Variants in AGAP1 observed in about 807,000 individuals in gnomAD.
AGAP1 encodes ArfGAP with GTPase domain, ankyrin repeat and PH domain 1, also known as arf-GAP with GTPase, ANK repeat and PH domain-containing protein 1.
AGAP1 carries 29 observed loss-of-function variants against 105.3 expected under a neutral mutation model. The ratio of observed to expected loss-of-function variants is 0.28; its 90% CI spans 0.21 to 0.38. AGAP1 has a LOEUF of 0.38. Among genes scored for constraint, AGAP1 ranks in the 10% least tolerant of loss-of-function variants. The probability of loss-of-function intolerance (pLI) is 1.00; values close to 1 mark genes in which losing one functional copy is unlikely to be tolerated. For synonymous variants in AGAP1, 509 were observed against 485.9 expected, an observed-to-expected ratio of 1.05 and a Z score of -0.63; for missense variants, 998 against 1,165.1, an observed-to-expected ratio of 0.86 and a Z score of 2.09.
chr2:235,575,584 G>A (rs1449144762), intron 1 of AGAP1, among the ~76,000 whole-genome samples: 1 of 132,002 alleles, frequency 7.6e-6, no homozygotes, highest in Middle Eastern at 3.3e-3. Context: ...TCCGTGAGCT[G>A]TGCTCACGGG....
rs147112199 is a variant in AGAP1 at position 236,021,706 on chromosome 2, C to T, written c.1646-14855C>T. 4.6e-5 allele frequency among the ~76,000 whole-genome samples: 7 copies of T among 152,110 alleles called. No homozygotes were observed. In the East Asian group the frequency reaches 1.2e-3, roughly 25 times the overall value. On this transcript the variant is annotated intron_variant, in intron 13 of 17. Transcript: ENST00000304032. ...TGTATCGCAAGATGTTTTCAATTTG[C>T]GGTCAGATAACTATTTTTTTTTCCC...
intron 1 of AGAP1, among the ~76,000 whole-genome samples, chr2:235,502,974 T>C (rs973430329): frequency 6.6e-6 from 1 of 152,186 alleles, no homozygotes; most frequent in Non-Finnish European, 1.5e-5. Context: ...TTTTAGCCAA[T>C]AGTGACTTGT....
chr2:235,684,112 G>T (rs542795434), intron 1 of AGAP1, among the ~76,000 whole-genome samples: 12 of 152,092 alleles, frequency 7.9e-5, no homozygotes, highest in Non-Finnish European at 1.2e-4. Context: ...CACGATCTCG[G>T]CTCACTGCAA....
chr2:235,592,745 C>A (rs1327016765), intron 1 of AGAP1, among the ~76,000 whole-genome samples: 1 of 152,156 alleles, frequency 6.6e-6, no homozygotes, highest in African/African-American at 2.4e-5. Context: ...AAGCCTGTAT[C>A]TGGCCGAGGT....
chr2:235,509,302 C>T (rs1489452062), intron 1 of AGAP1, among the ~76,000 whole-genome samples: 2 of 152,176 alleles, frequency 1.3e-5, no homozygotes, highest in Admixed American at 6.5e-5. Flanking sequence ...TCTCTGCTCA[C>T]TGTAACCTCT....
chr2:236,107,867 G>A (rs2059539913), intron 16 of AGAP1, among the ~76,000 whole-genome samples: 1 of 152,214 alleles, frequency 6.6e-6, no homozygotes, highest in Non-Finnish European at 1.5e-5. Flanking sequence ...GAAGTAATAA[G>A]CCTAATATGG....
chr2:235,785,409 T>C (rs1956562786), intron 6 of AGAP1, among the ~76,000 whole-genome samples: 1 of 152,220 alleles, frequency 6.6e-6, no homozygotes, highest in Non-Finnish European at 1.5e-5. Context: ...AACCAATTAT[T>C]GCACTTAACT....
Position 235,769,881 on chromosome 2 carries a change from C to G in AGAP1, c.673+19393C>G, listed in dbSNP as rs1024493359. Among the ~76,000 whole-genome samples, 1 of 151,988 alleles carries G rather than the reference C, an allele frequency of 6.6e-6. No individual in the cohort carries two copies. The highest frequency in any genetic ancestry group is 1.5e-5 in the Non-Finnish European group (1 of 68,020). The stretch of plus-strand genomic sequence containing the variant: ...GCTGCCAAGGAGCATCCAGTCCTTT[C>G]CAAGGACTTTGGTTTTCCAGAGTTA... On this transcript the variant is annotated intron_variant, in intron 6 of 17. Coordinates refer to ENST00000304032, the MANE Select transcript of AGAP1 (RefSeq NM_001037131.3). This position sits in a 1 kb window ranked among gnomAD's most constrained non-coding sequence, Gnocchi z 4.4.
chr2:235,859,541 GTT>G (rs34414886), intron 9 of AGAP1, among the ~76,000 whole-genome samples: 3 of 144,662 alleles, frequency 2.1e-5, no homozygotes, highest in South Asian at 2.2e-4. Flanking sequence ...TTTCTGAGCA[GTT>G]TTTTTTTTTT....
chr2:235,730,180 C>T lies in AGAP1; in HGVS notation c.311-10783C>T, dbSNP rs116269150. Among the ~76,000 whole-genome samples the T allele has an allele frequency of 6.4e-3, 975 of 152,112 alleles. 22 individuals carry two copies. Among genetic ancestry groups the T allele is most frequent in the African/African-American group, 0.022 (929 of 41,436 alleles). ...TTGAAAAAGAGAGTTCATGTAAAGC[C>T]GATTATTATTTAATCTAAAGTTATG... On this transcript the variant is annotated intron_variant, in intron 3 of 17. Transcript: ENST00000304032.
At chr2:235,541,684 C>T (rs553855331) in intron 1 of AGAP1, among the ~76,000 whole-genome samples, 6 of 152,214 alleles carry the variant, frequency 3.9e-5, no homozygotes, top group East Asian at 1.9e-4. Flanking sequence ...CCACCGTGCC[C>T]GGCCTCCATT....
chr2:235,627,663 C>G (rs1321895506), intron 1 of AGAP1, among the ~76,000 whole-genome samples: 1 of 152,124 alleles, frequency 6.6e-6, no homozygotes, highest in African/African-American at 2.4e-5. Context: ...GGGTCTGTGT[C>G]CCCCAGATTG....
intron 1 of AGAP1, among the ~76,000 whole-genome samples, chr2:235,617,931 T>A (rs1165374419): frequency 6.6e-6 from 1 of 152,120 alleles, no homozygotes; most frequent in Non-Finnish European, 1.5e-5. Flanking sequence ...TTGGGGGACC[T>A]GAGTCTCCCT....
At position 235,982,376 on chromosome 2, in the gene AGAP1, A is replaced by C. The variant is rs745754583; in HGVS notation, c.1645+13753A>C. Among the ~76,000 whole-genome samples, 1 of 152,192 alleles carries C rather than the reference A, an allele frequency of 6.6e-6. No individual in the cohort carries two copies. Among genetic ancestry groups the C allele is most frequent in the Non-Finnish European group, 1.5e-5 (1 of 68,038 alleles). On this transcript the variant is annotated intron_variant, in intron 13 of 17. Coordinates refer to ENST00000304032, the MANE Select transcript of AGAP1 (RefSeq NM_001037131.3). This position sits in a 1 kb window ranked among gnomAD's most constrained non-coding sequence, Gnocchi z 4.9. ...AACTATTTTCATGATTTTCCCCCAA[A>C]ATATTACTTTATTCTGCACACCGTG...
At chr2:235,524,627 T>C (rs1942760227) in intron 1 of AGAP1, 1 of 174,976 alleles carries the variant, frequency 5.7e-6, no homozygotes, top group Non-Finnish European at 1.4e-5. Flanking sequence ...TAGGAAAACA[T>C]GCTTACCGCT....
chr2:235,829,897 C>T (rs1283089303), intron 9 of AGAP1, among the ~76,000 whole-genome samples: 2 of 152,114 alleles, frequency 1.3e-5, no homozygotes, highest in Non-Finnish European at 2.9e-5. Context: ...GAGTGGGTGT[C>T]AGTGGGCCGG....
At chr2:235,636,957 A>G (rs113223331) in intron 1 of AGAP1, among the ~76,000 whole-genome samples, 2 of 152,250 alleles carry the variant, frequency 1.3e-5, no homozygotes, top group African/African-American at 4.8e-5. Context: ...AGCCGCCAGA[A>G]GCCAGGACAG....
At chr2:235,707,501 G>T (rs1575184291) in intron 1 of AGAP1, among the ~76,000 whole-genome samples, 2 of 52,718 alleles carry the variant, frequency 3.8e-5, no homozygotes, top group African/African-American at 1.3e-4. Flanking sequence ...AGAACACACT[G>T]GGCAGATGTG....
intron 9 of AGAP1, among the ~76,000 whole-genome samples, chr2:235,820,457 GTATT>G (rs1331621174): frequency 6.6e-5 from 10 of 152,100 alleles, no homozygotes; most frequent in Admixed American, 5.9e-4. Flanking sequence ...CTACTTTTGA[GTATT>G]TATCCAGAAG....
Sources: allele counts gnomAD v4.1 joint callset (sites outside exome capture counted in the v4.1 genomes callset), GRCh38; gene constraint gnomAD v4.1.1; non-coding constraint Gnocchi (gnomAD v3.1); transcripts MANE v1.5; gene names NCBI Gene and HGNC (gene_info 2026-07-23, HGNC 2026-07-21).